The following CDH12 variants were observed in gnomAD, a reference collection of about 807,000 sequenced individuals.
CDH12 encodes the protein cadherin 12.
In CDH12, 41 loss-of-function variants were observed where a neutral mutation model predicts 74.1. That is an observed-to-expected ratio of 0.55 (90% CI 0.43 to 0.72). The LOEUF is 0.72. Among genes scored for constraint, CDH12 ranks in the 30% least tolerant of loss-of-function variants. The pLI is 0.00. For missense variants in CDH12, 945 were observed against 977.2 expected (o/e 0.97, Z 0.44); for synonymous variants, 399 against 355.0 (o/e 1.12, Z -1.39).
intron 3 of CDH12, among the ~76,000 whole-genome samples, chr5:22,272,194 T>C (rs1308298196): frequency 6.6e-6 from 1 of 152,212 alleles, no homozygotes; most frequent in Non-Finnish European, 1.5e-5. Flanking sequence ...TATCAGCACT[T>C]GCTGCTTCAC....
intron 6 of CDH12, among the ~76,000 whole-genome samples, chr5:21,861,618 T>TTG: frequency 1.3e-5 from 2 of 152,108 alleles, no homozygotes; most frequent in East Asian, 3.9e-4. Flanking sequence ...TTTTAACCAA[T>TTG]TTCCTTTCAG....
At chr5:22,133,600 T>A (rs1025968952) in intron 4 of CDH12, among the ~76,000 whole-genome samples, 4 of 152,118 alleles carry the variant, frequency 2.6e-5, no homozygotes, top group African/African-American at 9.7e-5. Context: ...CTAAATAAAA[T>A]AATTCAAAAA....
At chr5:22,285,831 G>A (rs966733060) in intron 3 of CDH12, among the ~76,000 whole-genome samples, 33 of 152,032 alleles carry the variant, frequency 2.2e-4, no homozygotes, top group Admixed American at 2.0e-4. Context: ...AGTATTTACT[G>A]AGAGCCCCGT....
chr5:22,844,329 A>T (rs1373649287), intron 1 of CDH12, among the ~76,000 whole-genome samples: 1 of 152,066 alleles, frequency 6.6e-6, no homozygotes, highest in Non-Finnish European at 1.5e-5. Flanking sequence ...AATGTTAGAG[A>T]TAATGGGCAA....
At chr5:22,808,321 C>G (rs1561045882) in intron 1 of CDH12, among the ~76,000 whole-genome samples, 1 of 152,136 alleles carries the variant, frequency 6.6e-6, no homozygotes, top group Non-Finnish European at 1.5e-5. Context: ...GCTTTACAAC[C>G]TAGCTTGTGA....
At chr5:21,884,299 G>A (rs895120274) in intron 6 of CDH12, 4 of 1,426,308 alleles carry the variant, frequency 2.8e-6, no homozygotes, top group Middle Eastern at 1.9e-4. Context: ...GGTATGGGAG[G>A]TGGCATGTTC....
intron 9 of CDH12, among the ~76,000 whole-genome samples, chr5:21,804,642 A>G (rs1410101851): frequency 1.0e-5 from 1 of 98,922 alleles, no homozygotes; most frequent in Non-Finnish European, 2.0e-5. Context: ...TAGTGAATTA[A>G]AACACACACA....
At chr5:21,836,837 G>A (rs962716447) in intron 8 of CDH12, among the ~76,000 whole-genome samples, 2 of 151,774 alleles carry the variant, frequency 1.3e-5, no homozygotes, top group Admixed American at 6.6e-5. Flanking sequence ...TTAATTCTAC[G>A]GAAAACATTT....
At position 21,960,583 on chromosome 5, in the gene CDH12, CT is replaced by C. The variant is rs558789276; in HGVS notation, c.526+14507del. Among the ~76,000 whole-genome samples, 638 of 152,200 alleles carry C rather than the reference CT, an allele frequency of 4.2e-3. 1 individual carries two copies. The highest frequency in any genetic ancestry group is 6.8e-3 in the Non-Finnish European group (465 of 68,004). ...TGTATCTCTAATTTTGGGATTATTT[CT>C]GGATTAAAACACACAAAAAAATCAG... On this transcript the variant is annotated intron_variant, in intron 6 of 14. Coordinates refer to ENST00000382254, the MANE Select transcript of CDH12 (RefSeq NM_004061.5).
chr5:22,426,516 C>A (rs946168372), intron 2 of CDH12, among the ~76,000 whole-genome samples: 3 of 151,938 alleles, frequency 2.0e-5, no homozygotes, highest in South Asian at 2.1e-4. Flanking sequence ...AAATGATAGG[C>A]AAGAACCCCC....
chr5:22,586,467 C>A (rs991187457), intron 1 of CDH12, among the ~76,000 whole-genome samples: 2 of 146,734 alleles, frequency 1.4e-5, no homozygotes, highest in Admixed American at 1.4e-4. Context: ...TGCACATGTA[C>A]CCTAGAACTT....
chr5:22,525,684 C>A (rs181289817), intron 1 of CDH12, among the ~76,000 whole-genome samples: 1,527 of 152,196 alleles, frequency 0.01, 10 homozygotes, highest in Middle Eastern at 0.017. Flanking sequence ...TTGTTTTCAC[C>A]TTTCTTTGCC....
intron 1 of CDH12, among the ~76,000 whole-genome samples, chr5:22,662,444 A>C (rs1394810040): frequency 6.6e-6 from 1 of 152,182 alleles, no homozygotes; most frequent in Non-Finnish European, 1.5e-5. Context: ...AGATGCAGTC[A>C]AGGAGTCATA....
chr5:22,384,436 G>C (rs939753181), intron 3 of CDH12, among the ~76,000 whole-genome samples: 1 of 143,624 alleles, frequency 7.0e-6, no homozygotes, highest in Non-Finnish European at 1.5e-5. Flanking sequence ...TGAGGCAGGA[G>C]AATGGCGTGA....
intron 3 of CDH12, among the ~76,000 whole-genome samples, chr5:22,398,709 T>C (rs1742575732): frequency 6.6e-6 from 1 of 152,204 alleles, no homozygotes; most frequent in African/African-American, 2.4e-5. Flanking sequence ...CTTCAAAAGA[T>C]ATGAGAGCCT....
chr5:22,246,754 G>A (rs1238137498), intron 3 of CDH12, among the ~76,000 whole-genome samples: 1 of 152,034 alleles, frequency 6.6e-6, no homozygotes, highest in Non-Finnish European at 1.5e-5. Flanking sequence ...TCTCAATAAG[G>A]ACCTATGATG....
chr5:21,968,374 C>G (rs182514924), intron 6 of CDH12, among the ~76,000 whole-genome samples: 123 of 152,306 alleles, frequency 8.1e-4, no homozygotes, highest in Non-Finnish European at 5.9e-5. Context: ...ATAACCCACA[C>G]AACTACATAC....
At chr5:21,800,888 C>T (rs6451997) in intron 10 of CDH12, among the ~76,000 whole-genome samples, 98,837 of 152,012 alleles carry the variant, frequency 0.65, 34,018 homozygotes, top group Non-Finnish European at 0.77. Flanking sequence ...ATGTAAGATG[C>T]GCCTGCTTCT....
At chr5:22,788,202 T>G in intron 1 of CDH12, among the ~76,000 whole-genome samples, 1 of 152,202 alleles carries the variant, frequency 6.6e-6, no homozygotes, top group East Asian at 1.9e-4. Context: ...CAGTAGTCCT[T>G]ATTTAAAAGG....
Sources: gnomAD v4.1 joint callset for allele counts (sites outside exome capture counted in the v4.1 genomes callset) on GRCh38, gnomAD v4.1.1 for gene constraint, MANE v1.5 for transcripts, NCBI Gene and HGNC (gene_info 2026-07-23, HGNC 2026-07-21) for gene names.